EPB41L4B: variants seen among roughly 807,000 people sequenced by gnomAD.
The protein encoded by EPB41L4B is erythrocyte membrane protein band 4.1 like 4B, also known as band 4.1-like protein 4B.
In EPB41L4B, 30 loss-of-function variants were observed where a neutral mutation model predicts 112.5. That is an observed-to-expected ratio of 0.27 (90% CI 0.20 to 0.36). The LOEUF (loss-of-function observed/expected upper bound fraction) is 0.36, where lower values mean the gene tolerates loss of function less well. Ranked by LOEUF, EPB41L4B falls within the 10% of genes least tolerant of loss-of-function variation. EPB41L4B has a pLI of 1.00. For synonymous variants in EPB41L4B, 408 were observed against 439.7 expected, an observed-to-expected ratio of 0.93 and a Z score of 0.90; for missense variants, 1,024 against 1,133.3, an observed-to-expected ratio of 0.90 and a Z score of 1.38.
intron 23 of EPB41L4B, among the ~76,000 whole-genome samples, chr9:109,183,295 C>T (rs552705338): frequency 6.6e-6 from 1 of 152,192 alleles, no homozygotes; most frequent in South Asian, 2.1e-4. Context: ...GAAAGTATTC[C>T]CTGTCTAATC....
At chr9:109,283,176 T>C (rs992539619) in intron 1 of EPB41L4B, among the ~76,000 whole-genome samples, 1 of 152,162 alleles carries the variant, frequency 6.6e-6, no homozygotes, top group African/African-American at 2.4e-5. Context: ...GTCAGGGTAA[T>C]TGTTGATCTT....
intron 1 of EPB41L4B, among the ~76,000 whole-genome samples, chr9:109,280,525 T>G: frequency 6.6e-6 from 1 of 152,198 alleles, no homozygotes. Flanking sequence ...GGTCAAGTCC[T>G]GCATCTGCCA....
At chr9:109,239,959 G>A in intron 15 of EPB41L4B, 3 of 985,392 alleles carry the variant, frequency 3.0e-6, no homozygotes, top group Non-Finnish European at 3.6e-6. Flanking sequence ...GATGAAGAAA[G>A]GCATCAGCTG....
Position 109,258,230 on chromosome 9 carries a change from T to G in EPB41L4B, c.699A>C (p.Pro233=). The change falls in exon 7 of 26, where the codon CCA becomes CCC. Residue 233 remains proline, a synonymous_variant. Transcript: ENST00000374566. The part of the protein sequence containing the change: ...PELVSEFRFI[P]NQTEAMEFDI... ...CAAATTCCATTGCTTCTGTCTGATTTGGAATGAACCGAAACTCAGACACAA... is the reference window on the plus strand; with the variant it reads ...CAAATTCCATTGCTTCTGTCTGATTGGGAATGAACCGAAACTCAGACACAA... The G allele has an allele frequency of 6.2e-7, 1 of 1,614,120 alleles. No individual in the cohort carries two copies. Among genetic ancestry groups the G allele is most frequent in the Non-Finnish European group, 8.5e-7 (1 of 1,179,946 alleles).
chr9:109,190,510 C>T (rs1564253827), intron 22 of EPB41L4B, among the ~76,000 whole-genome samples: 1 of 152,220 alleles, frequency 6.6e-6, no homozygotes, highest in Non-Finnish European at 1.5e-5. Flanking sequence ...TTCCCTTCCT[C>T]ATGCTCCACT....
In EPB41L4B at chr9:109,182,802, A is replaced by C. The variant is rs1405302818; in HGVS notation, c.2419-5T>G. 6.2e-7 allele frequency: 1 copy of C among 1,602,912 alleles called. No homozygotes were observed. Among genetic ancestry groups the C allele is most frequent in the Non-Finnish European group, 8.5e-7 (1 of 1,170,036 alleles). On this transcript the variant is annotated splice_region_variant and splice_polypyrimidine_tract_variant and intron_variant, in intron 23 of 25. Transcript: ENST00000374566. Reference sequence around the variant, plus strand: ...ATCAACCGGGAATGTTTTTATCTTCAAAAGAGAGAAAGACAAGGGGGTTAC... The same window carrying C: ...ATCAACCGGGAATGTTTTTATCTTCCAAAGAGAGAAAGACAAGGGGGTTAC...
chr9:109,251,554 T>C (rs765656779), intron 12 of EPB41L4B, 43 bp from the exon 13 acceptor site: 2 of 1,588,254 alleles, frequency 1.3e-6, no homozygotes, highest in South Asian at 1.1e-5. Context: ...TAGAGAACTT[T>C]ATCGCTTTCA....
At chr9:109,265,876 T>A (rs1304469121) in intron 4 of EPB41L4B, among the ~76,000 whole-genome samples, 1 of 152,194 alleles carries the variant, frequency 6.6e-6, no homozygotes, top group Non-Finnish European at 1.5e-5. Flanking sequence ...GTGTTTCTGA[T>A]TCACACAACC....
At position 109,267,652 on chromosome 9, in the gene EPB41L4B, A is replaced by G. The variant is rs1431214962; in HGVS notation, c.455-101T>C. ...GCACGTTAAATCTATAACATTTAGCACAACATCAGGACAGCATAACTGGGC... is the reference window on the plus strand; with the variant it reads ...GCACGTTAAATCTATAACATTTAGCGCAACATCAGGACAGCATAACTGGGC... On this transcript the variant is annotated intron_variant, in intron 3 of 25. Transcript: ENST00000374566. 14 of 782,012 alleles carry G rather than the reference A, an allele frequency of 1.8e-5. No individual in the cohort carries two copies. In the Admixed American group the frequency reaches 2.8e-4, roughly 15 times the overall value. 48.4% of individuals were successfully genotyped at this position (782,012 alleles called of 1,614,324 possible).
intron 5 of EPB41L4B, 61 bp from the exon 6 acceptor site, chr9:109,263,163 G>A (rs865817511): frequency 1.9e-6 from 2 of 1,073,214 alleles, no homozygotes; most frequent in Non-Finnish European, 2.8e-6. Context: ...CATACAAAAT[G>A]TCATTAAAAT....
intron 1 of EPB41L4B, among the ~76,000 whole-genome samples, chr9:109,308,551 T>C (rs2119253752): frequency 6.6e-6 from 1 of 152,214 alleles, no homozygotes; most frequent in South Asian, 2.1e-4. Flanking sequence ...AGAAGAAAAT[T>C]TGAACATTGG....
intron 1 of EPB41L4B, among the ~76,000 whole-genome samples, chr9:109,280,658 C>T (rs1361692177): frequency 6.6e-6 from 1 of 152,148 alleles, no homozygotes; most frequent in Non-Finnish European, 1.5e-5. Context: ...AATGAGAAAC[C>T]ACCACAAGGA....
chr9:109,236,929 AC>A (rs1834165007), intron 15 of EPB41L4B, among the ~76,000 whole-genome samples: 1 of 152,204 alleles, frequency 6.6e-6, no homozygotes, highest in Admixed American at 6.5e-5. Flanking sequence ...CGTTTGGAAG[AC>A]TTGGTCAGCC....
intron 1 of EPB41L4B, among the ~76,000 whole-genome samples, chr9:109,288,823 C>T (rs2119171885): frequency 6.8e-6 from 1 of 147,870 alleles, no homozygotes; most frequent in South Asian, 2.2e-4. Flanking sequence ...ATCACTTGAG[C>T]CCAGGAGGTT....
At chr9:109,214,951 TA>T (rs753009644) in intron 16 of EPB41L4B, among the ~76,000 whole-genome samples, 1 of 152,134 alleles carries the variant, frequency 6.6e-6, no homozygotes, top group Non-Finnish European at 1.5e-5. Flanking sequence ...TATTTAGATA[TA>T]CAAAGATGAG....
intron 4 of EPB41L4B, among the ~76,000 whole-genome samples, chr9:109,266,361 G>A (rs1233799395): frequency 6.6e-6 from 1 of 151,898 alleles, no homozygotes; most frequent in Non-Finnish European, 1.5e-5. Context: ...GGTTGACAGA[G>A]CCAGACCTTG....
intron 20 of EPB41L4B, chr9:109,196,241 C>T (rs868550472): frequency 3.3e-5 from 5 of 151,726 alleles, no homozygotes; most frequent in Non-Finnish European, 4.4e-5. Context: ...GTCCACCTTG[C>T]GCAGGGGGAC....
At chr9:109,178,181 G>T (rs1201280889) in intron 24 of EPB41L4B, among the ~76,000 whole-genome samples, 1 of 151,938 alleles carries the variant, frequency 6.6e-6, no homozygotes, top group Non-Finnish European at 1.5e-5. Flanking sequence ...CTCCCAAAGT[G>T]CTGGGATTAT....
intron 15 of EPB41L4B, among the ~76,000 whole-genome samples, chr9:109,220,272 G>A (rs1032526362): frequency 1.3e-5 from 2 of 152,224 alleles, no homozygotes; most frequent in Non-Finnish European, 2.9e-5. Flanking sequence ...AACGGTGGTT[G>A]AAAGAGCAGG....
Sources: allele counts gnomAD v4.1 joint callset (sites outside exome capture counted in the v4.1 genomes callset), GRCh38; gene constraint gnomAD v4.1.1; transcripts MANE v1.5; gene names NCBI Gene and HGNC (gene_info 2026-07-23, HGNC 2026-07-21).